CPEB3: variants seen among roughly 807,000 people sequenced by gnomAD.
CPEB3 encodes the protein cytoplasmic polyadenylation element-binding protein 3.
CPEB3 carries 20 observed loss-of-function variants against 67.2 expected under a neutral mutation model. The observed-to-expected ratio is 0.30, with a 90% CI of 0.21 to 0.43. The LOEUF is 0.43. CPEB3 is among the 20% of genes least tolerant of loss of function. The pLI, the probability that CPEB3 is intolerant of heterozygous loss-of-function variation, is 1.00. For synonymous variants in CPEB3, 376 were observed against 393.1 expected (o/e 0.96, Z 0.51); for missense variants, 746 against 968.6 (o/e 0.77, Z 3.05).
chr10:92,077,986 T>C (rs989827918), intron 9 of CPEB3, among the ~76,000 whole-genome samples: 1 of 152,278 alleles, frequency 6.6e-6, no homozygotes, highest in East Asian at 1.9e-4. Flanking sequence ...AAGAAACTGT[T>C]GGGTCCTTTT....
At chr10:92,121,545 T>C (rs1564797449) in intron 6 of CPEB3, among the ~76,000 whole-genome samples, 3 of 151,106 alleles carry the variant, frequency 2.0e-5, no homozygotes, top group African/African-American at 7.3e-5. Flanking sequence ...TAAAAATTTG[T>C]GGAAAAAAAA....
At chr10:92,186,568 G>A (rs1386098749) in intron 3 of CPEB3, among the ~76,000 whole-genome samples, 2 of 151,902 alleles carry the variant, frequency 1.3e-5, no homozygotes, top group Non-Finnish European at 2.9e-5. Context: ...CTGAGTAGCT[G>A]GGACTACAGG....
intron 7 of CPEB3, among the ~76,000 whole-genome samples, chr10:92,096,540 A>G (rs1436822816): frequency 6.6e-6 from 1 of 152,192 alleles, no homozygotes; most frequent in Non-Finnish European, 1.5e-5. Flanking sequence ...GAGGACAAGT[A>G]TAAGGATGCC....
chr10:92,160,466 C>T (rs1357903883), intron 4 of CPEB3, among the ~76,000 whole-genome samples: 1 of 152,158 alleles, frequency 6.6e-6, no homozygotes, highest in Non-Finnish European at 1.5e-5. Flanking sequence ...TAATATAACA[C>T]TTCAAAAAAG....
intron 2 of CPEB3, among the ~76,000 whole-genome samples, chr10:92,213,806 GCTAA>G (rs749866673): frequency 2.6e-5 from 4 of 152,082 alleles, no homozygotes; most frequent in Non-Finnish European, 5.9e-5. Flanking sequence ...CTAGTCTAGA[GCTAA>G]TTATAATATG....
intron 4 of CPEB3, among the ~76,000 whole-genome samples, chr10:92,170,754 A>T (rs541131671): frequency 1.3e-5 from 2 of 152,214 alleles, no homozygotes; most frequent in African/African-American, 4.8e-5. Flanking sequence ...TTGTAATCAC[A>T]TAACAGAGTA....
chr10:92,283,536 G>A (rs1842392522), intron 1 of CPEB3, among the ~76,000 whole-genome samples: 1 of 151,978 alleles, frequency 6.6e-6, no homozygotes, highest in Non-Finnish European at 1.5e-5. Context: ...TATCTTTGCA[G>A]AGATTCTCTA....
intron 6 of CPEB3, among the ~76,000 whole-genome samples, chr10:92,141,387 A>C (rs1390401628): frequency 6.6e-6 from 1 of 151,934 alleles, no homozygotes; most frequent in Admixed American, 6.6e-5. Context: ...AAGGACAAAA[A>C]ACCAAACACT....
intron 6 of CPEB3, among the ~76,000 whole-genome samples, chr10:92,123,747 G>A (rs915635298): frequency 4.6e-5 from 7 of 152,022 alleles, no homozygotes; most frequent in Admixed American, 2.6e-4. Flanking sequence ...TAATTTCTTC[G>A]CCTCCCTGGA....
intron 6 of CPEB3, among the ~76,000 whole-genome samples, chr10:92,116,610 C>T (rs1349183785): frequency 1.3e-5 from 2 of 151,974 alleles, no homozygotes; most frequent in African/African-American, 4.8e-5. Flanking sequence ...CTCTTGCCCT[C>T]GGACCCAGTA....
intron 2 of CPEB3, among the ~76,000 whole-genome samples, chr10:92,229,569 G>A (rs926772633): frequency 6.6e-6 from 1 of 152,136 alleles, no homozygotes; most frequent in Non-Finnish European, 1.5e-5. Flanking sequence ...TTATGTCAAA[G>A]CAAGAACTCT....
At chr10:92,165,403 C>CTTTTTTT (rs34205234) in intron 4 of CPEB3, among the ~76,000 whole-genome samples, 1 of 121,476 alleles carries the variant, frequency 8.2e-6, no homozygotes, top group Non-Finnish European at 1.6e-5. Flanking sequence ...CTTTTTTCTT[C>CTTTTTTT]TTTTTTTTTT....
At chr10:92,209,941 C>CAAAAA (rs768962869) in intron 2 of CPEB3, among the ~76,000 whole-genome samples, 4 of 59,020 alleles carry the variant, frequency 6.8e-5, no homozygotes, top group Admixed American at 2.0e-4. Flanking sequence ...GGCTCTGTCT[C>CAAAAA]AAAAAAAAAA....
chr10:92,241,314 T>A (rs868626731), intron 1 of CPEB3, among the ~76,000 whole-genome samples: 1 of 115,760 alleles, frequency 8.6e-6, no homozygotes, highest in Non-Finnish European at 1.7e-5. Flanking sequence ...GCCTGTGAGA[T>A]AGGGTGGGGG....
At chr10:92,200,253 A>G (rs1433895759) in intron 2 of CPEB3, among the ~76,000 whole-genome samples, 3 of 152,208 alleles carry the variant, frequency 2.0e-5, no homozygotes, top group African/African-American at 7.2e-5. Flanking sequence ...GTATAAGATT[A>G]GGGCATACAG....
intron 4 of CPEB3, 62 bp downstream of exon 4, chr10:92,180,901 T>C: frequency 1.1e-6 from 1 of 874,342 alleles, no homozygotes; most frequent in East Asian, 2.4e-5. Context: ...ATCAAGAATG[T>C]AGAAACTACA....
Position 92,052,058 on chromosome 10 carries a change from AAAT to A in CPEB3, c.*151_*153del, listed in dbSNP as rs754890583. ...ACACTGAGTTCAGTAATATGACTGT[AAAT>A]AATAATAATAATAATAAAAAGACCC... On this transcript the variant is annotated 3_prime_UTR_variant, in exon 10 of 10. Transcript: ENST00000265997. 3.7e-4 allele frequency: 218 copies of A among 588,946 alleles called. No homozygotes were observed. Among genetic ancestry groups the A allele is most frequent in the South Asian group, 7.3e-4 (34 of 46,364 alleles). 36.5% of individuals were successfully genotyped at this position (588,946 alleles called of 1,614,324 possible). A position where few individuals can be genotyped will look rare whatever the true frequency, so the allele number is the denominator to read the frequency against.
At chr10:92,155,037 C>T (rs991554103) in intron 4 of CPEB3, among the ~76,000 whole-genome samples, 13 of 152,138 alleles carry the variant, frequency 8.5e-5, no homozygotes, top group African/African-American at 1.2e-4. Flanking sequence ...GGTGAAACCC[C>T]ATGTCTACTA....
intron 6 of CPEB3, among the ~76,000 whole-genome samples, chr10:92,122,334 A>G (rs559115215): frequency 2.0e-5 from 3 of 152,340 alleles, no homozygotes; most frequent in South Asian, 2.1e-4. Context: ...GGGTCAACTC[A>G]CTTGGACAAC....
Sources: allele counts gnomAD v4.1 joint callset (sites outside exome capture counted in the v4.1 genomes callset), GRCh38; gene constraint gnomAD v4.1.1; transcripts MANE v1.5; gene names NCBI Gene and HGNC (gene_info 2026-07-23, HGNC 2026-07-21).